Variants in PPCDC observed in about 807,000 individuals in gnomAD.
The protein encoded by PPCDC is phosphopantothenoylcysteine decarboxylase.
PPCDC carries 20 observed loss-of-function variants against 20.7 expected under a neutral mutation model. The ratio of observed to expected loss-of-function variants is 0.97; its 90% confidence interval spans 0.68 to 1.41. The LOEUF is 1.41. PPCDC is among the 40% of genes most tolerant of loss of function. PPCDC has a pLI of 0.00. For synonymous variants in PPCDC, 88 were observed against 100.3 expected (o/e 0.88, Z 0.73); for missense variants, 246 against 263.8 (o/e 0.93, Z 0.47).
rs139723284 is a variant in PPCDC, at chr15:75,044,213, C to T, written c.232-173C>T. 2.5e-3 allele frequency among the ~76,000 whole-genome samples: 386 copies of T among 152,238 alleles called. 2 individuals are homozygous for T. Among genetic ancestry groups the T allele is most frequent in the African/African-American group, 8.7e-3 (361 of 41,562 alleles). On this transcript the variant is annotated intron_variant, in intron 3 of 5. Coordinates refer to ENST00000342932, the MANE Select transcript of PPCDC (RefSeq NM_021823.5). ...CTTGTTTCCTCAGGCCTGGTTCTCT[C>T]GGCTGCTGGCTCCATGGCTAGCGCT...
At chr15:75,027,396 G>C (rs2065971076) in intron 1 of PPCDC, among the ~76,000 whole-genome samples, 1 of 152,182 alleles carries the variant, frequency 6.6e-6, no homozygotes, top group Non-Finnish European at 1.5e-5. Flanking sequence ...ACGTCTGAGA[G>C]CCAGAGGAAG....
chr15:75,044,417 A>G lies in PPCDC; in HGVS notation c.263A>G (p.His88Arg). 2 of 1,614,080 alleles carry G rather than the reference A, an allele frequency of 1.2e-6. No individual in the cohort carries two copies. The highest frequency in any genetic ancestry group is 1.7e-6 in the Non-Finnish European group (2 of 1,179,974). Residue 88 changes from histidine to arginine, a missense_variant, in exon 4 of 6, where the codon CAC (histidine) becomes CGC (arginine). Physicochemically the swap from His to Arg is conservative, Grantham distance 29. Around this residue, in one of 2 missense-constraint regions of PPCDC, gnomAD observed 225 missense variants for 222.6 expected, o/e 1.01. Transcript: ENST00000342932. ...AAGAGCCGCTCTGACCCAGTTCTGC[A>G]CATTGACCTGCGGAGGTGGGCAGAC... ...IWKSRSDPVL[H>R]IDLRRWADLL...
intron 2 of PPCDC, among the ~76,000 whole-genome samples, chr15:75,029,406 TCTTGTTATCAG>T (rs1029390196): frequency 1.3e-5 from 2 of 152,160 alleles, no homozygotes; most frequent in Non-Finnish European, 1.5e-5. Flanking sequence ...GGCTTTTCCC[TCTTGTTATCAG>T]CTGAGCACCC....
intron 2 of PPCDC, among the ~76,000 whole-genome samples, chr15:75,032,549 A>C (rs752108518): frequency 6.6e-6 from 1 of 152,228 alleles, no homozygotes; most frequent in Non-Finnish European, 1.5e-5. Context: ...GCAAAACTGG[A>C]AGCAAACAAA....
chr15:75,035,751 G>A (rs991022447), intron 2 of PPCDC, among the ~76,000 whole-genome samples: 2 of 152,138 alleles, frequency 1.3e-5, no homozygotes, highest in Non-Finnish European at 2.9e-5. Flanking sequence ...CAGATCACCT[G>A]AGGCCAGGAC....
chr15:75,037,620 G>A (rs2066101654), intron 2 of PPCDC, among the ~76,000 whole-genome samples: 1 of 152,176 alleles, frequency 6.6e-6, no homozygotes, highest in Non-Finnish European at 1.5e-5. Flanking sequence ...GGTGGCGCAT[G>A]CCTGTAATCC....
chr15:75,024,889 T>C (rs2065943710), intron 1 of PPCDC, among the ~76,000 whole-genome samples: 1 of 150,764 alleles, frequency 6.6e-6, no homozygotes, highest in Non-Finnish European at 1.5e-5. Flanking sequence ...ACAGTGTAAA[T>C]GCTATGTAAA....
chr15:75,038,993 T>C (rs1306564199), intron 2 of PPCDC, among the ~76,000 whole-genome samples: 1 of 152,210 alleles, frequency 6.6e-6, no homozygotes, highest in Non-Finnish European at 1.5e-5. Flanking sequence ...AAAAGTGTTA[T>C]GTTCTTGTTT....
At chr15:75,037,203 A>G (rs2066096009) in intron 2 of PPCDC, among the ~76,000 whole-genome samples, 1 of 152,208 alleles carries the variant, frequency 6.6e-6, no homozygotes, top group Non-Finnish European at 1.5e-5. Flanking sequence ...AGAAGCAGGC[A>G]GTGTATTAGC....
intron 2 of PPCDC, among the ~76,000 whole-genome samples, chr15:75,032,592 T>C (rs2066033808): frequency 6.6e-6 from 1 of 152,154 alleles, no homozygotes; most frequent in Non-Finnish European, 1.5e-5. Context: ...GGTGCCCTTA[T>C]GATTTATGGG....
chr15:75,043,236 G>C, intron 2 of PPCDC: 2 of 521,066 alleles, frequency 3.8e-6, no homozygotes, highest in South Asian at 5.0e-5. Flanking sequence ...AAGTGAAACA[G>C]CCACACCTGA....
intron 2 of PPCDC, among the ~76,000 whole-genome samples, chr15:75,028,810 T>C (rs565324742): frequency 6.6e-6 from 1 of 152,270 alleles, no homozygotes; most frequent in East Asian, 1.9e-4. Context: ...CCCTCCTGCC[T>C]TGGGCTTCCC....
At chr15:75,046,509 A>G (rs2066236421) in intron 4 of PPCDC, among the ~76,000 whole-genome samples, 1 of 152,228 alleles carries the variant, frequency 6.6e-6, no homozygotes, top group Admixed American at 6.5e-5. Flanking sequence ...ACTTCATGAA[A>G]TCCCTGGGCT....
intron 5 of PPCDC, among the ~76,000 whole-genome samples, 162 bp downstream of exon 5, chr15:75,048,883 T>C (rs773696134): frequency 5.3e-5 from 8 of 152,158 alleles, no homozygotes; most frequent in Non-Finnish European, 1.2e-4. Flanking sequence ...GCCTCCAGAT[T>C]GGTAGGGTAA....
intron 2 of PPCDC, among the ~76,000 whole-genome samples, chr15:75,028,864 C>T (rs1270615510): frequency 6.6e-6 from 1 of 152,144 alleles, no homozygotes; most frequent in Non-Finnish European, 1.5e-5. Context: ...GCTGTGTTCT[C>T]CCTCCTCGTG....
rs1370805163 is a variant in PPCDC, at chr15:75,049,397, G to A, written c.*162G>A. 9.2e-6 allele frequency: 6 copies of A among 651,732 alleles called. No homozygotes were observed. Among genetic ancestry groups the A allele is most frequent in the South Asian group, 1.9e-5 (1 of 51,878 alleles). The allele number at this position is 651,732 out of a possible 1,614,324, so 40.4% of individuals were successfully genotyped here. On this transcript the variant is annotated 3_prime_UTR_variant, in exon 6 of 6. Transcript: ENST00000342932. Reference sequence around the variant, plus strand: ...AGGCCTGCTCCAGGTTAAACTGGACGGAAGGCCCAGGTCTCAGTTTCTTTC... The same window carrying A: ...AGGCCTGCTCCAGGTTAAACTGGACAGAAGGCCCAGGTCTCAGTTTCTTTC...
At chr15:75,036,890 C>G (rs925823683) in intron 2 of PPCDC, among the ~76,000 whole-genome samples, 1 of 151,980 alleles carries the variant, frequency 6.6e-6, no homozygotes, top group African/African-American at 2.4e-5. Context: ...AGGCTCATCC[C>G]AAACTTCTGA....
In PPCDC at chr15:75,049,540, C is replaced by T. The variant is rs1595917434; in HGVS notation, c.*305C>T. The T allele has an allele frequency of 1.5e-5, 5 of 324,118 alleles. No homozygotes were observed. Among genetic ancestry groups the T allele is most frequent in the South Asian group, 1.3e-4 (3 of 23,106 alleles). The allele number at this position is 324,118 out of a possible 1,614,324, so 20.1% of individuals were successfully genotyped here. A position where few individuals can be genotyped will look rare whatever the true frequency, so the allele number is the denominator to read the frequency against. ...GGAGGACTGAGCGACTGGGAAAACT[C>T]GGCTCTACATCTCACCCAGAACGGC... is the stretch of plus-strand genomic sequence containing the variant. On this transcript the variant is annotated 3_prime_UTR_variant, in exon 6 of 6. Transcript: ENST00000342932.
chr15:75,026,602 G>A (rs1337514042), intron 1 of PPCDC, among the ~76,000 whole-genome samples: 1 of 152,254 alleles, frequency 6.6e-6, no homozygotes, highest in Non-Finnish European at 1.5e-5. Context: ...AGGCTAGAGA[G>A]CCAAGGGGCC....
Sources: allele counts gnomAD v4.1 joint callset (sites outside exome capture counted in the v4.1 genomes callset), GRCh38; gene constraint gnomAD v4.1.1; regional missense constraint gnomAD v4.1.1; transcripts MANE v1.5; gene names NCBI Gene and HGNC (gene_info 2026-07-23, HGNC 2026-07-21).